BICD1: variants seen among roughly 807,000 people sequenced by gnomAD.
BICD1 encodes protein bicaudal D homolog 1.
Under a neutral mutation model 92.5 loss-of-function variants are expected in BICD1, and 35 were observed. The ratio of observed to expected loss-of-function variants is 0.38; its 90% CI spans 0.29 to 0.50. BICD1 has a LOEUF of 0.50. Ranked by LOEUF, BICD1 falls within the 20% of genes least tolerant of loss-of-function variation. BICD1 has a pLI of 0.93. For synonymous variants in BICD1, 429 were observed against 465.1 expected, an observed-to-expected ratio of 0.92 and a Z score of 1.00; for missense variants, 950 against 1,189.8, an observed-to-expected ratio of 0.80 and a Z score of 2.97.
chr12:32,206,599 CCTT>C (rs1232817321), intron 1 of BICD1, among the ~76,000 whole-genome samples: 4 of 152,046 alleles, frequency 2.6e-5, no homozygotes, highest in African/African-American at 9.7e-5. Flanking sequence ...GAGCAAGACT[CCTT>C]CTCAAAAAAA....
At chr12:32,169,467 G>A (rs149592107) in intron 1 of BICD1, among the ~76,000 whole-genome samples, 3,987 of 151,948 alleles carry the variant, frequency 0.026, 76 homozygotes, top group Non-Finnish European at 0.037. Context: ...TAGTAGAGAC[G>A]AGCTCTCTGC....
At chr12:32,187,342 G>T (rs1280860688) in intron 1 of BICD1, among the ~76,000 whole-genome samples, 1 of 152,188 alleles carries the variant, frequency 6.6e-6, no homozygotes, top group Non-Finnish European at 1.5e-5. Flanking sequence ...AGCTTGACAA[G>T]TTTGTGAAAG....
intron 2 of BICD1, among the ~76,000 whole-genome samples, chr12:32,261,027 G>C (rs562532666): frequency 1.3e-5 from 2 of 152,268 alleles, no homozygotes; most frequent in East Asian, 1.9e-4. Flanking sequence ...TTCCTGACTG[G>C]GCTAGGCAAT....
intron 8 of BICD1, 78 bp from the exon 9 acceptor site, chr12:32,367,592 A>G: frequency 7.6e-7 from 1 of 1,319,376 alleles, no homozygotes; most frequent in Non-Finnish European, 1.1e-6. Flanking sequence ...TCTCTCAGGC[A>G]GCTGCTTTAG....
In BICD1 at chr12:32,110,887, A is replaced by G. The variant is rs1454808917; in HGVS notation, c.213+3343A>G. On this transcript the variant is annotated intron_variant, in intron 1 of 9. Coordinates refer to ENST00000652176, the MANE Select transcript of BICD1 (RefSeq NM_001714.4). ...AGCATTAGGAGATATACCTAATGCT[A>G]AATGACGAGTTAATGGGTGCAGCAC... Among the ~76,000 whole-genome samples, 3 of 151,804 alleles carry G rather than the reference A, an allele frequency of 2.0e-5. No individual in the cohort carries two copies. In the East Asian group the frequency reaches 5.8e-4, roughly 29 times the overall value.
Position 32,294,042 on chromosome 12 carries a change from C to A in BICD1, c.475C>A (p.Arg159=), listed in dbSNP as rs1457751453. 1 of 1,612,630 alleles carries A rather than the reference C, an allele frequency of 6.2e-7. No individual in the cohort carries two copies. Among genetic ancestry groups the A allele is most frequent in the Non-Finnish European group, 8.5e-7 (1 of 1,179,674 alleles). Residue 159 remains arginine, a synonymous_variant, in exon 3 of 10, where the codon CGA becomes AGA. Coordinates refer to ENST00000652176, the MANE Select transcript of BICD1 (RefSeq NM_001714.4). The part of the protein sequence containing the change: ...LQRIRMKDEI[R]EYKFREARLL... ...GAGAATACGGATGAAGGATGAAATC[C>A]GAGAATATAAGTTCCGGGAGGCACG...
At chr12:32,169,411 A>G (rs1943867818) in intron 1 of BICD1, among the ~76,000 whole-genome samples, 1 of 152,036 alleles carries the variant, frequency 6.6e-6, no homozygotes. Flanking sequence ...GGAAGGGAAG[A>G]AGCAGCTTGG....
intron 2 of BICD1, among the ~76,000 whole-genome samples, chr12:32,251,117 A>G (rs1012255149): frequency 1.3e-5 from 2 of 152,168 alleles, no homozygotes; most frequent in Admixed American, 6.5e-5. Flanking sequence ...TTATTTTCTG[A>G]CTATAATAGA....
At chr12:32,329,809 C>T (rs1009551982) in intron 5 of BICD1, among the ~76,000 whole-genome samples, 1 of 152,166 alleles carries the variant, frequency 6.6e-6, no homozygotes, top group African/African-American at 2.4e-5. Context: ...ATTGTTTTCA[C>T]CCTGAGTTTT....
At chr12:32,295,674 G>A (rs1296375038) in intron 3 of BICD1, among the ~76,000 whole-genome samples, 5 of 137,772 alleles carry the variant, frequency 3.6e-5, no homozygotes, top group Admixed American at 7.2e-5. Context: ...TTTTTTTTGC[G>A]ACAGAGTCTT....
chr12:32,316,920 T>C (rs1948520028), intron 4 of BICD1, among the ~76,000 whole-genome samples: 1 of 152,198 alleles, frequency 6.6e-6, no homozygotes, highest in Non-Finnish European at 1.5e-5. Context: ...GTGTTCTCAT[T>C]GTTCAATTCC....
intron 3 of BICD1, among the ~76,000 whole-genome samples, chr12:32,295,415 G>A (rs1464914704): frequency 3.3e-5 from 5 of 152,114 alleles, no homozygotes; most frequent in Admixed American, 3.3e-4. Flanking sequence ...CAGATCAACA[G>A]CCTATGTGCC....
chr12:32,264,646 C>A (rs1946943226), intron 2 of BICD1, among the ~76,000 whole-genome samples: 2 of 152,056 alleles, frequency 1.3e-5, no homozygotes, highest in Non-Finnish European at 2.9e-5. Context: ...TGCCACCACA[C>A]CCTCCTAATT....
chr12:32,350,230 C>T (rs1042304664), intron 8 of BICD1, among the ~76,000 whole-genome samples: 1 of 152,140 alleles, frequency 6.6e-6, no homozygotes, highest in Admixed American at 6.5e-5. Context: ...TGCCTGTAAT[C>T]CCCGCACTTT....
At chr12:32,227,301 A>AG (rs1280954620) in intron 2 of BICD1, 12 of 152,448 alleles carry the variant, frequency 7.9e-5, no homozygotes, top group African/African-American at 2.9e-4. Context: ...AGGAGGAACA[A>AG]GGCCCTCCAT....
chr12:32,146,082 T>C (rs560940041), intron 1 of BICD1, among the ~76,000 whole-genome samples: 8 of 152,340 alleles, frequency 5.3e-5, no homozygotes, highest in African/African-American at 1.9e-4. Context: ...GACATATACA[T>C]ATGAACAAAG....
chr12:32,286,404 G>A (rs1227918038), intron 2 of BICD1, among the ~76,000 whole-genome samples: 4 of 151,766 alleles, frequency 2.6e-5, no homozygotes, highest in African/African-American at 9.7e-5. Flanking sequence ...CATTCACTCA[G>A]TTGATAGATT....
At chr12:32,251,964 T>G (rs918074863) in intron 2 of BICD1, among the ~76,000 whole-genome samples, 2 of 138,988 alleles carry the variant, frequency 1.4e-5, no homozygotes, top group African/African-American at 5.4e-5. Flanking sequence ...TTACAAAACT[T>G]TTAAAACTTT....
At chr12:32,241,853 AG>A (rs1946245236) in intron 2 of BICD1, among the ~76,000 whole-genome samples, 1 of 152,024 alleles carries the variant, frequency 6.6e-6, no homozygotes, top group Non-Finnish European at 1.5e-5. Context: ...CTAGATTTCC[AG>A]GAAATTTTAT....
Sources: gnomAD v4.1 joint callset for allele counts (sites outside exome capture counted in the v4.1 genomes callset) on GRCh38, gnomAD v4.1.1 for gene constraint, MANE v1.5 for transcripts, NCBI Gene and HGNC (gene_info 2026-07-23, HGNC 2026-07-21) for gene names.